Variants in NARS2 observed in about 807,000 individuals in gnomAD.
The protein encoded by NARS2 is asparaginyl-tRNA synthetase.
NARS2 carries 60 observed loss-of-function variants against 62.9 expected under a neutral mutation model. That is an observed-to-expected ratio of 0.95 (90% CI 0.77 to 1.18). The LOEUF is 1.18. Ranked by LOEUF, NARS2 falls within the 50% of genes most tolerant of loss-of-function variation. The pLI is 0.00. For missense variants in NARS2, 619 were observed against 576.4 expected (o/e 1.07, Z -0.76); for synonymous variants, 196 against 200.0 (o/e 0.98, Z 0.17).
chr11:78,537,035 A>G (rs1445419168), intron 5 of NARS2, among the ~76,000 whole-genome samples: 2 of 152,346 alleles, frequency 1.3e-5, no homozygotes, highest in Non-Finnish European at 2.9e-5. Flanking sequence ...GTTTGTACCT[A>G]AAGAACAAGA....
At chr11:78,557,535 C>T (rs767465638) in intron 5 of NARS2, among the ~76,000 whole-genome samples, 2 of 152,130 alleles carry the variant, frequency 1.3e-5, no homozygotes, top group Non-Finnish European at 2.9e-5. Context: ...CCAGATAGCA[C>T]AGATCAGCTG....
chr11:78,497,554 A>C lies in NARS2; in HGVS notation c.690-4359T>G, dbSNP rs535399276. On this transcript the variant is annotated intron_variant, in intron 6 of 13. Transcript: ENST00000281038. ...GTTTAGTAAAAGTTCATTGACCTTAAGTGAACTCCCAGAAAACTATTAAAC... is the reference window on the plus strand; with the variant it reads ...GTTTAGTAAAAGTTCATTGACCTTACGTGAACTCCCAGAAAACTATTAAAC... Among the ~76,000 whole-genome samples the C allele has an allele frequency of 2.0e-5, 3 of 152,366 alleles. No homozygotes were observed. The South Asian group carries it at 6.2e-4, about 32-fold the overall frequency.
chr11:78,503,314 T>C (rs575724898), intron 6 of NARS2, among the ~76,000 whole-genome samples: 1 of 152,216 alleles, frequency 6.6e-6, no homozygotes, highest in African/African-American at 2.4e-5. Flanking sequence ...CTTGGCTCAC[T>C]GCAACCCCCG....
At chr11:78,466,166 AAG>A (rs1565216360) in intron 10 of NARS2, among the ~76,000 whole-genome samples, 153 bp from the exon 11 acceptor site, 1 of 152,120 alleles carries the variant, frequency 6.6e-6, no homozygotes, top group Admixed American at 6.5e-5. Flanking sequence ...CTGACTAAAC[AAG>A]AGAGAGATAT....
intron 6 of NARS2, among the ~76,000 whole-genome samples, chr11:78,494,195 T>G (rs1859954860): frequency 6.6e-6 from 1 of 152,196 alleles, no homozygotes; most frequent in African/African-American, 2.4e-5. Flanking sequence ...GGACACTACA[T>G]CCGTCATTCT....
intron 3 of NARS2, among the ~76,000 whole-genome samples, chr11:78,567,297 G>A (rs1478878333): frequency 1.4e-4 from 22 of 152,166 alleles, no homozygotes; most frequent in Admixed American, 1.4e-3. Context: ...GCCAGGTAGT[G>A]TATAAAGTAC....
intron 6 of NARS2, among the ~76,000 whole-genome samples, chr11:78,513,946 C>A (rs148923302): frequency 2.0e-5 from 3 of 151,914 alleles, no homozygotes; most frequent in South Asian, 2.1e-4. Context: ...TGTGACACAC[C>A]CCCCTACACA....
At chr11:78,536,708 ATAAT>A (rs774856364) in intron 5 of NARS2, among the ~76,000 whole-genome samples, 23 of 152,296 alleles carry the variant, frequency 1.5e-4, no homozygotes, top group Non-Finnish European at 2.6e-4. Context: ...TCTAGTATTA[ATAAT>A]TAATCTATTA....
chr11:78,489,411 C>T (rs1476811802), intron 7 of NARS2, among the ~76,000 whole-genome samples: 1 of 152,132 alleles, frequency 6.6e-6, no homozygotes, highest in East Asian at 1.9e-4. Flanking sequence ...CTTAGAATGG[C>T]TTAAAACCAC....
intron 7 of NARS2, among the ~76,000 whole-genome samples, chr11:78,482,567 C>T (rs189914823): frequency 1.2e-4 from 19 of 152,252 alleles, no homozygotes; most frequent in Non-Finnish European, 2.6e-4. Flanking sequence ...GATATCACCA[C>T]AGATCCCATA....
chr11:78,574,098 T>C (rs1158119947), intron 1 of NARS2, among the ~76,000 whole-genome samples: 1 of 152,202 alleles, frequency 6.6e-6, no homozygotes, highest in Non-Finnish European at 1.5e-5. Flanking sequence ...TTTACACTTT[T>C]GGTATGATTA....
At chr11:78,565,316 A>C (rs1856707038) in intron 4 of NARS2, among the ~76,000 whole-genome samples, 1 of 152,250 alleles carries the variant, frequency 6.6e-6, no homozygotes, top group African/African-American at 2.4e-5. Flanking sequence ...GAGAAACAGG[A>C]AACCAAAAAC....
chr11:78,439,730 A>G (rs1417078522), intron 13 of NARS2, among the ~76,000 whole-genome samples: 1 of 152,166 alleles, frequency 6.6e-6, no homozygotes, highest in Non-Finnish European at 1.5e-5. Context: ...CCAAAAGGCG[A>G]GGGTGTAGGT....
At chr11:78,546,671 T>C (rs1401763916) in intron 5 of NARS2, 1 of 152,186 alleles carries the variant, frequency 6.6e-6, no homozygotes, top group Non-Finnish European at 1.5e-5. Flanking sequence ...ATTCACTATA[T>C]CCCCTTGCTT....
chr11:78,446,563 T>C lies in NARS2; in HGVS notation c.1165-2805A>G, dbSNP rs553653931. On this transcript the variant is annotated intron_variant, in intron 11 of 13. Transcript: ENST00000281038. ...ATCCAGAGTGTTAAATTTAGAATTA[T>C]AGGCAATCAACTTTGGAAAAGAATA... Among the ~76,000 whole-genome samples, 16 of 152,332 alleles carry C rather than the reference T, an allele frequency of 1.1e-4. No individual in the cohort carries two copies. In the East Asian group the frequency reaches 1.5e-3, roughly 15 times the overall value.
intron 11 of NARS2, among the ~76,000 whole-genome samples, chr11:78,455,995 T>A (rs1858149452): frequency 6.6e-6 from 1 of 152,158 alleles, no homozygotes; most frequent in Admixed American, 6.6e-5. Context: ...TTGTTAATCT[T>A]TTCTTCCATT....
intron 7 of NARS2, among the ~76,000 whole-genome samples, chr11:78,485,600 T>C (rs936802210): frequency 3.9e-5 from 6 of 152,158 alleles, no homozygotes; most frequent in East Asian, 1.9e-4. Context: ...TTAGTAGGCA[T>C]AGGAAGCAAA....
intron 1 of NARS2, among the ~76,000 whole-genome samples, chr11:78,573,876 A>C (rs1338837802): frequency 6.6e-6 from 1 of 152,236 alleles, no homozygotes; most frequent in Non-Finnish European, 1.5e-5. Flanking sequence ...GAATTCATTA[A>C]AAATAAATTA....
At chr11:78,571,863 G>GAT (rs1856936434) in intron 1 of NARS2, among the ~76,000 whole-genome samples, 1 of 152,078 alleles carries the variant, frequency 6.6e-6, no homozygotes, top group African/African-American at 2.4e-5. Context: ...TCACTGCGCT[G>GAT]CCCAGAAGGC....
Sources: allele counts gnomAD v4.1 joint callset (sites outside exome capture counted in the v4.1 genomes callset), GRCh38; gene constraint gnomAD v4.1.1; transcripts MANE v1.5; gene names NCBI Gene and HGNC (gene_info 2026-07-23, HGNC 2026-07-21).